The following SLC25A21 variants were observed in gnomAD, a reference collection of about 807,000 sequenced individuals.
SLC25A21 encodes mitochondrial 2-oxodicarboxylate carrier.
A neutral mutation model predicts 43.8 loss-of-function variants in SLC25A21; 47 were observed. That is an observed-to-expected ratio of 1.07 (90% CI 0.85 to 1.37). The LOEUF (loss-of-function observed/expected upper bound fraction) is 1.37, where lower values mean the gene tolerates loss of function less well. SLC25A21 is among the 40% of genes most tolerant of loss of function. SLC25A21 has a pLI of 0.00. For missense variants in SLC25A21, 352 were observed against 350.2 expected, an observed-to-expected ratio of 1.00 and a Z score of -0.04; for synonymous variants, 131 against 121.3, an observed-to-expected ratio of 1.08 and a Z score of -0.52.
At chr14:36,687,833 C>A (rs1330056211) in intron 7 of SLC25A21, among the ~76,000 whole-genome samples, 1 of 152,222 alleles carries the variant, frequency 6.6e-6, no homozygotes, top group Non-Finnish European at 1.5e-5. Context: ...TTGCTTCCTT[C>A]CTGCCTGCTA....
At chr14:36,925,561 T>C (rs1223451261) in intron 1 of SLC25A21, among the ~76,000 whole-genome samples, 1 of 152,132 alleles carries the variant, frequency 6.6e-6, no homozygotes, top group Non-Finnish European at 1.5e-5. Context: ...ATAACAGAGC[T>C]TCTGGCAAGC....
chr14:37,114,576 C>T (rs1963073667), intron 1 of SLC25A21, among the ~76,000 whole-genome samples: 1 of 152,136 alleles, frequency 6.6e-6, no homozygotes. Flanking sequence ...AGGGAATAAA[C>T]AATCTGTTTA....
chr14:37,094,770 C>T (rs60179583), intron 1 of SLC25A21, among the ~76,000 whole-genome samples: 6,334 of 150,392 alleles, frequency 0.042, 439 homozygotes, highest in African/African-American at 0.15. Flanking sequence ...AGTTAAATAT[C>T]GCCAGTAGCA....
intron 1 of SLC25A21, among the ~76,000 whole-genome samples, chr14:37,106,235 G>A (rs1357307956): frequency 6.6e-6 from 1 of 152,080 alleles, no homozygotes; most frequent in Admixed American, 6.6e-5. Context: ...ACTGCCTGTG[G>A]GGTCGGGCAA....
At position 36,680,231 on chromosome 14, in the gene SLC25A21, CT is replaced by C. The variant is rs904542400; in HGVS notation, c.*426del. On this transcript the variant is annotated 3_prime_UTR_variant, in exon 10 of 10. Coordinates refer to ENST00000331299, the MANE Select transcript of SLC25A21 (RefSeq NM_030631.4). ...AAAAACTGCTTAAATTTTGGCTTAA[CT>C]TTTTTTTAATCCAGTCTTTGAATAA... 1.4e-4 allele frequency: 132 copies of C among 927,144 alleles called. No individual in the cohort carries two copies. In the African/African-American group the frequency reaches 1.7e-3, roughly 12 times the overall value. The allele number at this position is 927,144 out of a possible 1,614,324, so 57.4% of individuals were successfully genotyped here.
intron 1 of SLC25A21, among the ~76,000 whole-genome samples, chr14:37,138,757 T>C (rs1183285018): frequency 6.6e-6 from 1 of 152,068 alleles, no homozygotes; most frequent in Admixed American, 6.6e-5. Context: ...ATAATTACAT[T>C]GATTTTCATA....
intron 3 of SLC25A21, among the ~76,000 whole-genome samples, chr14:36,753,960 A>AGAGAGAGAGAGAGAGAGAGAGAGAG (rs1491582315): frequency 2.1e-5 from 3 of 141,554 alleles, no homozygotes; most frequent in Non-Finnish European, 4.7e-5. Flanking sequence ...AGAGAGAGAG[A>AGAGAGAGAGAGAGAGAGAGAGAGAG]AAGAGAGAGA....
intron 1 of SLC25A21, among the ~76,000 whole-genome samples, chr14:37,022,645 T>C (rs898741043): frequency 6.6e-6 from 1 of 151,996 alleles, no homozygotes; most frequent in Non-Finnish European, 1.5e-5. Flanking sequence ...TTTTCCCAGC[T>C]CTTCGGCCTA....
intron 3 of SLC25A21, among the ~76,000 whole-genome samples, chr14:36,775,827 G>A (rs1015542018): frequency 6.6e-6 from 1 of 152,044 alleles, no homozygotes; most frequent in African/African-American, 2.4e-5. Flanking sequence ...TATTTAACAG[G>A]TGCCCTACCC....
intron 1 of SLC25A21, among the ~76,000 whole-genome samples, chr14:37,080,150 C>A (rs957363831): frequency 1.3e-5 from 2 of 152,174 alleles, no homozygotes; most frequent in East Asian, 3.9e-4. Flanking sequence ...GCAGCCCAAA[C>A]AGACTAAACT....
intron 1 of SLC25A21, among the ~76,000 whole-genome samples, chr14:37,018,923 G>C (rs180680686): frequency 5.3e-5 from 8 of 151,980 alleles, no homozygotes; most frequent in Admixed American, 2.0e-4. Flanking sequence ...TTAAAAGATG[G>C]AACTATTAGA....
chr14:37,005,424 G>A (rs906307840), intron 1 of SLC25A21, among the ~76,000 whole-genome samples: 2 of 152,106 alleles, frequency 1.3e-5, no homozygotes, highest in Non-Finnish European at 2.9e-5. Context: ...AGCTACGTCA[G>A]TATTTGTCCA....
chr14:36,762,033 G>A (rs1886176076), intron 3 of SLC25A21, among the ~76,000 whole-genome samples: 1 of 152,110 alleles, frequency 6.6e-6, no homozygotes, highest in Admixed American at 6.5e-5. Context: ...CGGATTATAG[G>A]TAGATTTCAA....
At chr14:36,815,242 C>T (rs965758044) in intron 2 of SLC25A21, among the ~76,000 whole-genome samples, 10 of 151,838 alleles carry the variant, frequency 6.6e-5, no homozygotes, top group East Asian at 1.9e-4. Context: ...ACCTGTAAGA[C>T]GGGTTGATAG....
intron 1 of SLC25A21, among the ~76,000 whole-genome samples, chr14:37,013,735 T>C (rs1960784656): frequency 6.6e-6 from 1 of 152,178 alleles, no homozygotes; most frequent in Non-Finnish European, 1.5e-5. Flanking sequence ...GGCCAGCGTT[T>C]ATTTCCTTAT....
intron 2 of SLC25A21, among the ~76,000 whole-genome samples, chr14:36,872,565 G>C (rs1566694868): frequency 6.6e-6 from 1 of 152,116 alleles, no homozygotes; most frequent in Non-Finnish European, 1.5e-5. Context: ...TGCAGTGTCA[G>C]TTGCCCATAC....
chr14:36,949,018 A>G (rs746023602), intron 1 of SLC25A21, among the ~76,000 whole-genome samples: 1 of 152,186 alleles, frequency 6.6e-6, no homozygotes, highest in Non-Finnish European at 1.5e-5. Flanking sequence ...CATCTTGCCC[A>G]GTCTGTTGCA....
intron 1 of SLC25A21, among the ~76,000 whole-genome samples, chr14:37,061,075 C>A (rs1961938412): frequency 6.6e-6 from 1 of 152,154 alleles, no homozygotes; most frequent in East Asian, 1.9e-4. Context: ...GTGCTCTGAT[C>A]CCTGCTGGAG....
At chr14:36,695,326 G>C (rs1397220612) in intron 7 of SLC25A21, among the ~76,000 whole-genome samples, 1 of 152,186 alleles carries the variant, frequency 6.6e-6, no homozygotes, top group Non-Finnish European at 1.5e-5. Context: ...TTGTAGTATA[G>C]TTTGAAGTCA....
Sources: allele counts gnomAD v4.1 joint callset (sites outside exome capture counted in the v4.1 genomes callset), GRCh38; gene constraint gnomAD v4.1.1; transcripts MANE v1.5; gene names NCBI Gene and HGNC (gene_info 2026-07-23, HGNC 2026-07-21).